PRR12: variants seen among roughly 807,000 people sequenced by gnomAD.
PRR12 encodes proline rich 12.
PRR12 carries 12 observed loss-of-function variants against 138.0 expected under a neutral mutation model. The observed-to-expected ratio is 0.09, with a 90% CI of 0.06 to 0.14. The LOEUF (loss-of-function observed/expected upper bound fraction) is 0.14. Ranked by LOEUF, PRR12 falls within the 10% of genes least tolerant of loss-of-function variation. The pLI, the probability that PRR12 is intolerant of heterozygous loss-of-function variation, is 1.00. For missense variants in PRR12, 2,692 were observed against 2,861.3 expected, an observed-to-expected ratio of 0.94 and a Z score of 1.35; for synonymous variants, 1,567 against 1,291.7, an observed-to-expected ratio of 1.21 and a Z score of -4.57.
At chr19:49,610,322 A>G (rs926519655) in intron 6 of PRR12, among the ~76,000 whole-genome samples, 13 of 152,192 alleles carry the variant, frequency 8.5e-5, no homozygotes, top group Non-Finnish European at 1.6e-4. Flanking sequence ...GAGTGTCTGT[A>G]GCTCAGTGGC....
chr19:49,601,350 CTGAT>C (rs2080808920), intron 5 of PRR12, 137 bp from the exon 6 acceptor site: 1 of 612,578 alleles, frequency 1.6e-6, no homozygotes, highest in East Asian at 2.9e-5. Context: ...TGGAGAGACT[CTGAT>C]AGGGTAGAAG....
intron 6 of PRR12, among the ~76,000 whole-genome samples, chr19:49,609,382 C>G (rs960547773): frequency 3.3e-5 from 5 of 152,064 alleles, no homozygotes; most frequent in Non-Finnish European, 7.4e-5. Context: ...GGGTGGATCA[C>G]TTGAAGTCAG....
Position 49,616,780 on chromosome 19 carries a change from T to A in PRR12, c.5497+561T>A, listed in dbSNP as rs1429960585. On this transcript the variant is annotated intron_variant, in intron 9 of 13. Transcript: ENST00000418929. The surrounding 1 kb of genome is among the most constrained non-coding windows in gnomAD (Gnocchi z 4.2). The stretch of plus-strand genomic sequence containing the variant: ...GAGAGTGCCAATCTTTAGTAGACAC[T>A]ACCTGTCTACTCCATGTCTGCCCAG... 6.6e-6 allele frequency among the ~76,000 whole-genome samples: 1 copy of A among 152,152 alleles called. No homozygotes were observed. Among genetic ancestry groups the A allele is most frequent in the African/African-American group, 2.4e-5 (1 of 41,434 alleles).
In PRR12 at chr19:49,596,946, G is replaced by A. The variant is rs753477453; in HGVS notation, c.2611G>A (p.Glu871Lys). ...GGCCCCCAGCCCCCGCCTGCGACCC[G>A]AGGAGAGCCTGGATCCGCCAGGCGC... Reference protein sequence around the residue: ...PAAPSPRLRPEESLDPPGAMQ... With the variant: ...PAAPSPRLRPKESLDPPGAMQ... The change falls in exon 4 of 14, where the codon GAG becomes AAG. Residue 871 changes from glutamate (E) to lysine (K), a missense_variant. By Grantham distance (56) the Glu-to-Lys change is moderately conservative. This residue lies in a region of PRR12 where 840 missense variants were observed against 689.8 expected (regional missense o/e 1.22). Coordinates refer to ENST00000418929, the MANE Select transcript of PRR12 (RefSeq NM_020719.3). This position sits in a 1 kb window ranked among gnomAD's most constrained non-coding sequence, Gnocchi z 5.6. 6.1e-6 allele frequency: 9 copies of A among 1,475,354 alleles called. No homozygotes were observed. The highest frequency in any genetic ancestry group is 1.4e-5 in the African/African-American group (1 of 70,102). 91.4% of individuals were successfully genotyped at this position (1,475,354 alleles called of 1,614,324 possible). A position where few individuals can be genotyped will look rare whatever the true frequency, so the allele number is the denominator to read the frequency against.
intron 11 of PRR12, 64 bp downstream of exon 11, chr19:49,621,686 T>G (rs2080924459): frequency 2.3e-6 from 3 of 1,313,964 alleles, no homozygotes; most frequent in African/African-American, 1.5e-5. Flanking sequence ...GACATGTACG[T>G]GTCGGCCGCT....
intron 6 of PRR12, among the ~76,000 whole-genome samples, chr19:49,607,559 T>C (rs1434048236): frequency 6.6e-6 from 1 of 150,498 alleles, no homozygotes; most frequent in Non-Finnish European, 1.5e-5. Flanking sequence ...ATAAGAAAAA[T>C]TAGCCGGATA....
rs904549678 is a variant in PRR12, at chr19:49,599,687, G to A, written c.4094G>A (p.Arg1365Gln). 6.2e-7 allele frequency: 1 copy of A among 1,613,466 alleles called. No homozygotes were observed. Among genetic ancestry groups the A allele is most frequent in the South Asian group, 1.1e-5 (1 of 91,088 alleles). ...LGLGCPSPCKRLDEELKRNLE... is the reference protein window; with the variant it reads ...LGLGCPSPCKQLDEELKRNLE... ...CTTGGCTGCCCTTCACCCTGCAAGCGGCTTGATGAGGAGCTGAAGCGGAAC... is the reference window on the plus strand; with the variant it reads ...CTTGGCTGCCCTTCACCCTGCAAGCAGCTTGATGAGGAGCTGAAGCGGAAC... Residue 1365 changes from arginine to glutamine, a missense_variant, in exon 5 of 14, where the codon CGG becomes CAG. This residue lies in a region of PRR12 where 22 missense variants were observed against 59.2 expected (regional missense o/e 0.37). Coordinates refer to ENST00000418929, the MANE Select transcript of PRR12 (RefSeq NM_020719.3). This position sits in a 1 kb window ranked among gnomAD's most constrained non-coding sequence, Gnocchi z 5.0.
In PRR12 at chr19:49,606,645, CT is replaced by C. The variant is rs1230626073; in HGVS notation, c.4773+4746del. On this transcript the variant is annotated intron_variant, in intron 6 of 13. Coordinates refer to ENST00000418929, the MANE Select transcript of PRR12 (RefSeq NM_020719.3). ...CATTTTTTTCTTTTATACCATCTCT[CT>C]TTTTTTTTTTTTTTTTTTGAGATGG... Among the ~76,000 whole-genome samples, 841 of 128,152 alleles carry C rather than the reference CT, an allele frequency of 6.6e-3. 4 individuals are homozygous for C. Among genetic ancestry groups the C allele is most frequent in the Non-Finnish European group, 9.8e-3 (593 of 60,414 alleles). 84.1% of individuals were successfully genotyped at this position (128,152 alleles called of 152,430 possible). A position where few individuals can be genotyped will look rare whatever the true frequency, so the allele number is the denominator to read the frequency against.
In PRR12 at chr19:49,596,349, A is replaced by G; in HGVS notation, c.2014A>G (p.Lys672Glu). Residue 672 changes from lysine (K) to glutamate (E), a missense_variant, in exon 4 of 14, where the codon AAG (lysine) becomes GAG (glutamate). Physicochemically the swap from Lys to Glu is moderately conservative, Grantham distance 56. Transcript: ENST00000418929. This position sits in a 1 kb window ranked among gnomAD's most constrained non-coding sequence, Gnocchi z 5.6. ...CGAGGACGGGGCAGCAGATGCCTCT[A>G]AGGGACTTGGGGGGAGTGGCGGGGC... is the stretch of plus-strand genomic sequence containing the variant. The part of the protein sequence containing the change: ...VGEDGAADAS[K>E]GLGGSGGAGG... 1.2e-6 allele frequency: 2 copies of G among 1,609,812 alleles called. No individual in the cohort carries two copies. The highest frequency in any genetic ancestry group is 1.7e-6 in the Non-Finnish European group (2 of 1,179,500).
chr19:49,596,240 C>T lies in PRR12; in HGVS notation c.1905C>T (p.Arg635=). ...LAGPGGPPAE[R]TEDEEFLIQH... ...GCCCAGGTGGGCCTCCTGCGGAGCG[C>T]ACAGAGGATGAGGAGTTCCTTATCC... Residue 635 remains arginine (R), a synonymous_variant, in exon 4 of 14, where the codon CGC becomes CGT. Transcript: ENST00000418929. This position sits in a 1 kb window ranked among gnomAD's most constrained non-coding sequence, Gnocchi z 5.6. 1.9e-6 allele frequency: 3 copies of T among 1,611,010 alleles called. No individual in the cohort carries two copies. The East Asian group carries it at 6.7e-5, about 36-fold the overall frequency.
At chr19:49,617,386 G>A (rs1298959342) in intron 9 of PRR12, among the ~76,000 whole-genome samples, 1 of 152,174 alleles carries the variant, frequency 6.6e-6, no homozygotes, top group Non-Finnish European at 1.5e-5. Flanking sequence ...CCTTCACTTT[G>A]GGAGGCTGAG....
At position 49,625,130 on chromosome 19, in the gene PRR12, C is replaced by T. The variant is rs745807179; in HGVS notation, c.5894C>T (p.Ser1965Leu). ...GAGTTCAAGGTTGAGCTGGAAAAGT[C>T]GGGATACTATACACTCTACCATTCG... Reference protein sequence around the residue: ...AQEFKVELEKSGYYTLYHSLH... With the variant: ...AQEFKVELEKLGYYTLYHSLH... The change falls in exon 13 of 14, where the codon TCG becomes TTG. Residue 1965 changes from serine (S) to leucine (L), a missense_variant. By Grantham distance (145) the Ser-to-Leu change is moderately radical. Coordinates refer to ENST00000418929, the MANE Select transcript of PRR12 (RefSeq NM_020719.3). This position sits in a 1 kb window ranked among gnomAD's most constrained non-coding sequence, Gnocchi z 5.5. The T allele has an allele frequency of 8.1e-6, 13 of 1,613,572 alleles. No individual in the cohort carries two copies. Among genetic ancestry groups the T allele is most frequent in the South Asian group, 7.7e-5 (7 of 91,088 alleles).
chr19:49,598,145 T>C lies in PRR12; in HGVS notation c.3678+132T>C, dbSNP rs111483926. 5.3e-3 allele frequency: 5,564 copies of C among 1,040,866 alleles called. 238 individuals are homozygous for C. In the African/African-American group the frequency reaches 0.084, roughly 16 times the overall value. 64.5% of individuals were successfully genotyped at this position (1,040,866 alleles called of 1,614,324 possible). On this transcript the variant is annotated intron_variant, in intron 4 of 13. Coordinates refer to ENST00000418929, the MANE Select transcript of PRR12 (RefSeq NM_020719.3). The stretch of plus-strand genomic sequence containing the variant: ...CTGGAGTGCAGTGGCACGATCTCGG[T>C]TCACTGCAAGCTCCGCCTCCCGGGT...
intron 6 of PRR12, among the ~76,000 whole-genome samples, chr19:49,606,735 C>T (rs1463542887): frequency 3.3e-5 from 5 of 151,084 alleles, no homozygotes; most frequent in Non-Finnish European, 5.9e-5. Context: ...CAACCTCCAC[C>T]TCCTGGGTTC....
At position 49,594,527 on chromosome 19, in the gene PRR12, T is replaced by C. The variant is rs10414643; in HGVS notation, c.273T>C (p.Leu91=). Residue 91 remains leucine (L), a synonymous_variant, in exon 3 of 14, where the codon CTT becomes CTC. Transcript: ENST00000418929. The surrounding 1 kb of genome is among the most constrained non-coding windows in gnomAD (Gnocchi z 5.6). ...SAGPDASVMN[L]ISALESRGPQ... is the part of the protein sequence containing the mutation. ...GGCCCGACGCCTCCGTCATGAACCT[T>C]ATCTCGGCCCTGGAATCCCGGGGCC... 0.26 allele frequency: 423,247 copies of C among 1,612,888 alleles called. 61,013 individuals are homozygous for C. Among genetic ancestry groups the C allele is most frequent in the African/African-American group, 0.52 (38,848 of 74,846 alleles).
intron 6 of PRR12, among the ~76,000 whole-genome samples, chr19:49,607,271 T>C (rs746692480): frequency 2.6e-5 from 4 of 152,158 alleles, no homozygotes; most frequent in Admixed American, 6.6e-5. Context: ...GGAGGATCAC[T>C]TGAGCCCGGA....
At chr19:49,592,465 C>T (rs1414901388) in intron 1 of PRR12, among the ~76,000 whole-genome samples, 2 of 152,094 alleles carry the variant, frequency 1.3e-5, no homozygotes, top group African/African-American at 4.8e-5. Context: ...GAGCGTGGGC[C>T]CTGTGCGTGC....
At chr19:49,624,731 C>A (rs2080945649) in intron 11 of PRR12, 113 bp from the exon 12 acceptor site, 3 of 1,445,512 alleles carry the variant, frequency 2.1e-6, no homozygotes, top group Non-Finnish European at 9.2e-7. Context: ...CTCTAGTTGT[C>A]TCTCCTGATC....
intron 5 of PRR12, among the ~76,000 whole-genome samples, chr19:49,600,717 C>A (rs927015640): frequency 1.9e-4 from 29 of 150,288 alleles, no homozygotes; most frequent in African/African-American, 6.8e-4. Context: ...TTTCTTGAGA[C>A]AGGGTCTCTC....
Sources: allele counts gnomAD v4.1 joint callset (sites outside exome capture counted in the v4.1 genomes callset), GRCh38; gene constraint gnomAD v4.1.1; regional missense constraint gnomAD v4.1.1; non-coding constraint Gnocchi (gnomAD v3.1); transcripts MANE v1.5; gene names NCBI Gene and HGNC (gene_info 2026-07-23, HGNC 2026-07-21).